Variants in GSDMC observed in about 807,000 individuals in gnomAD.
GSDMC encodes the protein gasdermin C, also known as gasdermin-C.
GSDMC carries 59 observed loss-of-function variants against 58.0 expected under a neutral mutation model. That is an observed-to-expected ratio of 1.02 (90% CI 0.82 to 1.26). The LOEUF (loss-of-function observed/expected upper bound fraction) is 1.26. Among genes scored for constraint, GSDMC ranks in the 50% most tolerant of loss-of-function variants. The pLI, the probability that GSDMC is intolerant of heterozygous loss-of-function variation, is 0.00. For synonymous variants in GSDMC, 241 were observed against 220.2 expected (o/e 1.09, Z -0.83); for missense variants, 659 against 598.5 (o/e 1.10, Z -1.06).
chr8:129,730,474 G>A, the GSDMC span: 2 of 892,390 alleles, frequency 2.2e-6, no homozygotes, highest in East Asian at 3.3e-5. Flanking sequence ...CACTTTTGTA[G>A]CTTAGAAAAA....
chr8:129,726,628 C>G, the GSDMC span, among the ~76,000 whole-genome samples: 1 of 152,154 alleles, frequency 6.6e-6, no homozygotes, highest in South Asian at 2.1e-4. Flanking sequence ...TTCCTGGTAT[C>G]TATTGAAACT....
At chr8:129,718,006 T>C in the GSDMC span, among the ~76,000 whole-genome samples, 6 of 152,138 alleles carry the variant, frequency 3.9e-5, no homozygotes, top group African/African-American at 1.4e-4. Context: ...CCCTTACACC[T>C]TATACAAAAA....
At chr8:129,726,093 C>T in the GSDMC span, among the ~76,000 whole-genome samples, 1 of 152,198 alleles carries the variant, frequency 6.6e-6, no homozygotes, top group African/African-American at 2.4e-5. Context: ...ATGAGACAAT[C>T]AGATTTATCA....
chr8:129,755,436 A>G (rs569071534), intron 6 of GSDMC, among the ~76,000 whole-genome samples: 6 of 152,312 alleles, frequency 3.9e-5, no homozygotes, highest in African/African-American at 1.4e-4. Flanking sequence ...GAGTAATTTC[A>G]TCAACACCAG....
the GSDMC span, among the ~76,000 whole-genome samples, chr8:129,740,846 T>C: frequency 2.0e-5 from 3 of 152,200 alleles, no homozygotes; most frequent in East Asian, 5.8e-4. Flanking sequence ...CTTTTTAACT[T>C]AATGGAATCC....
At chr8:129,760,900 C>T (rs2130431932) in intron 5 of GSDMC, among the ~76,000 whole-genome samples, 1 of 152,308 alleles carries the variant, frequency 6.6e-6, no homozygotes, top group South Asian at 2.1e-4. Flanking sequence ...TTACTTACCA[C>T]TCTCAATTTG....
the GSDMC span, among the ~76,000 whole-genome samples, chr8:129,712,519 C>A: frequency 6.6e-6 from 1 of 152,082 alleles, no homozygotes; most frequent in Admixed American, 6.5e-5. Flanking sequence ...GTACTCTACA[C>A]AAGTCTATAT....
chr8:129,752,815 C>A lies in GSDMC; in HGVS notation c.727G>T (p.Glu243Ter), dbSNP rs753181335. The change falls in exon 7 of 14, where the codon GAA (glutamate) becomes TAA (stop). Residue 243 changes from glutamate (E) to a stop codon, truncating the protein, a stop_gained. Coordinates refer to ENST00000276708, the MANE Select transcript of GSDMC (RefSeq NM_031415.3). LOFTEE classifies it high-confidence loss of function. ...CAGTAGCCTACCATTTCGGAAATTT[C>A]GTACTCTTGGGAGAGAGGGAGAGCA... ...DEQRTFQDEYEISEMVGYCAA... is the reference protein window; with the variant it reads ...DEQRTFQDEY 1 of 1,614,124 alleles carries A rather than the reference C, an allele frequency of 6.2e-7. No homozygotes were observed. The highest frequency in any genetic ancestry group is 1.1e-5 in the South Asian group (1 of 91,076).
At chr8:129,761,736 C>A (rs1396547957) in intron 5 of GSDMC, among the ~76,000 whole-genome samples, 1 of 152,188 alleles carries the variant, frequency 6.6e-6, no homozygotes, top group Non-Finnish European at 1.5e-5. Flanking sequence ...CCCATTCTCA[C>A]CCCTTCTCCT....
At chr8:129,709,568 TGATAGATGATAGATA>T in the GSDMC span, among the ~76,000 whole-genome samples, 49 of 149,526 alleles carry the variant, frequency 3.3e-4, no homozygotes, top group Middle Eastern at 3.4e-3. Context: ...AGATGGTAGA[TGATAGATGATAGATA>T]GATAGATGAT....
intron 2 of GSDMC, 142 bp downstream of exon 2, chr8:129,777,226 C>T (rs72718335): frequency 0.14 from 83,291 of 598,216 alleles, 7,073 homozygotes; most frequent in East Asian, 0.32. Flanking sequence ...AATTTGTCTT[C>T]GTTTCTTGCC....
chr8:129,717,972 G>A, the GSDMC span, among the ~76,000 whole-genome samples: 1 of 152,146 alleles, frequency 6.6e-6, no homozygotes, highest in Admixed American at 6.5e-5. Flanking sequence ...CTAGCCATAT[G>A]CAGAAAACTG....
rs143696386 is a variant in GSDMC at position 129,761,762 on chromosome 8, T to C, written c.676+864A>G. Among the ~76,000 whole-genome samples, 55 of 152,184 alleles carry C rather than the reference T, an allele frequency of 3.6e-4. No homozygotes were observed. In the South Asian group the frequency reaches 7.5e-3, roughly 21 times the overall value. On this transcript the variant is annotated intron_variant, in intron 5 of 13. Coordinates refer to ENST00000276708, the MANE Select transcript of GSDMC (RefSeq NM_031415.3). ...CCCTTCTCCTCATTAGAGAGCTGCTTTGGATATGGTCAGTCTTTCCAGAAG... is the reference window on the plus strand; with the variant it reads ...CCCTTCTCCTCATTAGAGAGCTGCTCTGGATATGGTCAGTCTTTCCAGAAG...
At chr8:129,738,749 AC>A in the GSDMC span, among the ~76,000 whole-genome samples, 2 of 152,200 alleles carry the variant, frequency 1.3e-5, no homozygotes, top group African/African-American at 4.8e-5. Context: ...GCTTATGTAT[AC>A]CTATGTAACA....
At chr8:129,732,656 G>A in the GSDMC span, among the ~76,000 whole-genome samples, 2 of 152,204 alleles carry the variant, frequency 1.3e-5, no homozygotes, top group Non-Finnish European at 2.9e-5. Context: ...GGACAAGGTT[G>A]AAAATCAACA....
At chr8:129,782,749 A>C (rs1382114481) in intron 1 of GSDMC, among the ~76,000 whole-genome samples, 1 of 152,162 alleles carries the variant, frequency 6.6e-6, no homozygotes, top group African/African-American at 2.4e-5. Flanking sequence ...CCTGGGACCC[A>C]GTGAATTCAA....
At chr8:129,781,527 G>A (rs149080183) in intron 1 of GSDMC, among the ~76,000 whole-genome samples, 2,172 of 152,212 alleles carry the variant, frequency 0.014, 58 homozygotes, top group African/African-American at 0.049. Context: ...GGCAGATCAC[G>A]AGGTCAGGAG....
chr8:129,726,892 G>A, the GSDMC span, among the ~76,000 whole-genome samples: 1 of 151,650 alleles, frequency 6.6e-6, no homozygotes, highest in African/African-American at 2.4e-5. Context: ...CCCAGTTACA[G>A]CAGCTCAGCT....
At chr8:129,731,100 A>G in the GSDMC span, among the ~76,000 whole-genome samples, 1 of 152,208 alleles carries the variant, frequency 6.6e-6, no homozygotes, top group Non-Finnish European at 1.5e-5. Flanking sequence ...AAACCATACC[A>G]TTAACTTGAA....
Sources: gnomAD v4.1 joint callset for allele counts (sites outside exome capture counted in the v4.1 genomes callset) on GRCh38, gnomAD v4.1.1 for gene constraint, MANE v1.5 for transcripts, NCBI Gene and HGNC (gene_info 2026-07-23, HGNC 2026-07-21) for gene names.